The following GCDH variants were observed in gnomAD, a reference collection of about 807,000 sequenced individuals.
The protein encoded by GCDH is glutaryl-CoA dehydrogenase, mitochondrial.
Under a neutral mutation model 52.8 loss-of-function variants are expected in GCDH, and 31 were observed. That is an observed-to-expected ratio of 0.59 (90% CI 0.44 to 0.79). The LOEUF is 0.79. GCDH is among the 30% of genes least tolerant of loss of function. The pLI, the probability that GCDH is intolerant of heterozygous loss-of-function variation, is 0.00. For synonymous variants in GCDH, 242 were observed against 250.0 expected (o/e 0.97, Z 0.30); for missense variants, 509 against 595.0 (o/e 0.86, Z 1.50).
At chr19:12,897,043 G>C in intron 9 of GCDH, 30 bp downstream of exon 9, 1 of 1,555,522 alleles carries the variant, frequency 6.4e-7, no homozygotes, top group Non-Finnish European at 8.8e-7. Flanking sequence ...AGATTCTCTG[G>C]GGGTGTGGGG....
chr19:12,893,198 T>C (rs779096847), intron 5 of GCDH, among the ~76,000 whole-genome samples: 1 of 152,130 alleles, frequency 6.6e-6, no homozygotes, highest in Admixed American at 6.6e-5. Context: ...CTTTGTTTCT[T>C]TTTTTAGAGA....
rs759599442 is a variant in GCDH at position 12,891,505 on chromosome 19, A to G, written c.110A>G (p.Gln37Arg). ...AAQTEKGGRT[Q>R]SQLAKSSRPE... ...CTTGCAGAGAAAGGCGGGAGAACAC[A>G]GAGCCAACTGGCTAAGTGTAAGGAC... The change falls in exon 3 of 12, where the codon CAG becomes CGG. Residue 37 changes from glutamine (Q) to arginine (R), a missense_variant. Gln to Arg is a conservative substitution (Grantham distance 43). Coordinates refer to ENST00000222214, the MANE Select transcript of GCDH (RefSeq NM_000159.4). 4 of 1,614,114 alleles carry G rather than the reference A, an allele frequency of 2.5e-6. No individual in the cohort carries two copies. The African/African-American group carries it at 5.3e-5, about 22-fold the overall frequency.
At chr19:12,898,546 C>T (rs1431336909) in intron 11 of GCDH, among the ~76,000 whole-genome samples, 2 of 151,022 alleles carry the variant, frequency 1.3e-5, no homozygotes, top group Non-Finnish European at 2.9e-5. Flanking sequence ...GGGGATCCTA[C>T]AAATGTGAGA....
Position 12,896,819 on chromosome 19 carries a change from G to T in GCDH, c.853-91G>T. The T allele has an allele frequency of 1.1e-6, 1 of 878,038 alleles. No homozygotes were observed. Among genetic ancestry groups the T allele is most frequent in the East Asian group, 2.5e-5 (1 of 39,234 alleles). 54.4% of individuals were successfully genotyped at this position (878,038 alleles called of 1,614,324 possible). A position where few individuals can be genotyped will look rare whatever the true frequency, so the allele number is the denominator to read the frequency against. ...TGAGTCCCCCTGCGTGGGGTGGCTG[G>T]GGAGGAGGCTTTCCCTGCTTCAGAG... On this transcript the variant is annotated intron_variant, in intron 8 of 11. Coordinates refer to ENST00000222214, the MANE Select transcript of GCDH (RefSeq NM_000159.4). The surrounding 1 kb of genome is among the most constrained non-coding windows in gnomAD (Gnocchi z 5.5).
chr19:12,895,843 C>A, intron 6 of GCDH, 149 bp from the exon 7 acceptor site: 1 of 800,904 alleles, frequency 1.2e-6, no homozygotes, highest in Non-Finnish European at 2.1e-6. Context: ...TGGTCTGGAA[C>A]TCCTGACCTC....
At chr19:12,897,177 G>A in intron 9 of GCDH, 126 bp from the exon 10 acceptor site, 3 of 1,337,358 alleles carry the variant, frequency 2.2e-6, no homozygotes, top group Non-Finnish European at 3.1e-6. Context: ...GTCAACGGCA[G>A]GGCCAGGGCA....
intron 6 of GCDH, chr19:12,894,550 C>T (rs1423162934): frequency 1.5e-6 from 1 of 659,584 alleles, no homozygotes; most frequent in Non-Finnish European, 2.8e-6. Context: ...GTACAGCTAG[C>T]AGAATCCGTA....
At chr19:12,897,636 T>A (rs1970716168) in intron 10 of GCDH, 67 bp from the exon 11 acceptor site, 2 of 1,587,908 alleles carry the variant, frequency 1.3e-6, no homozygotes, top group South Asian at 2.2e-5. Flanking sequence ...CACCCCGGGC[T>A]AGGTTTGCTT....
chr19:12,897,191 T>A, intron 9 of GCDH, 112 bp from the exon 10 acceptor site: 1 of 1,413,284 alleles, frequency 7.1e-7, no homozygotes, highest in Non-Finnish European at 9.8e-7. Context: ...CAGGGCAAGC[T>A]TGGGGGCACT....
At chr19:12,897,068 C>A in intron 9 of GCDH, 55 bp downstream of exon 9, 2 of 1,419,740 alleles carry the variant, frequency 1.4e-6, no homozygotes, top group Non-Finnish European at 2.0e-6. Flanking sequence ...TTGGGTTTCA[C>A]TCTCTATACC....
rs1970677128 is a variant in GCDH at position 12,896,283 on chromosome 19, G to A, written c.714G>A (p.Leu238=). 6.2e-7 allele frequency: 1 copy of A among 1,614,056 alleles called. No individual in the cohort carries two copies. Among genetic ancestry groups the A allele is most frequent in the Admixed American group, 1.7e-5 (1 of 60,004 alleles). ...CEDGCIRGFL[L]EKGMRGLSAP... is the part of the protein sequence containing the mutation. ...ATGGCTGCATTCGGGGCTTCCTGCT[G>A]GAGAAGGGGATGCGGGGTCTCTCGG... Residue 238 remains leucine (L), a synonymous_variant, in exon 8 of 12, where the codon CTG becomes CTA. Coordinates refer to ENST00000222214, the MANE Select transcript of GCDH (RefSeq NM_000159.4). This position sits in a 1 kb window ranked among gnomAD's most constrained non-coding sequence, Gnocchi z 5.5.
chr19:12,891,331 G>T lies in GCDH; in HGVS notation c.27G>T (p.Arg9=), dbSNP rs751425240. 1.2e-6 allele frequency: 2 copies of T among 1,611,256 alleles called. No homozygotes were observed. The highest frequency in any genetic ancestry group is 1.7e-6 in the Non-Finnish European group (2 of 1,179,952). The change falls in exon 2 of 12, where the codon CGG becomes CGT. Residue 9 remains arginine, a synonymous_variant. Coordinates refer to ENST00000222214, the MANE Select transcript of GCDH (RefSeq NM_000159.4). MALRGVSV[R]LLSRGPGLHV... Reference sequence around the variant, plus strand: ...TGGCCCTGAGAGGCGTCTCCGTGCGGCTGCTGAGCCGCGGACCCGGCCTGC... The same window carrying T: ...TGGCCCTGAGAGGCGTCTCCGTGCGTCTGCTGAGCCGCGGACCCGGCCTGC...
chr19:12,897,365 T>C lies in GCDH; in HGVS notation c.1019T>C (p.Leu340Pro). 1 of 1,613,652 alleles carries C rather than the reference T, an allele frequency of 6.2e-7. No homozygotes were observed. Among genetic ancestry groups the C allele is most frequent in the Non-Finnish European group, 8.5e-7 (1 of 1,179,948 alleles). ...ATTCAGAAGAAGCTGGCAGACATGC[T>C]CACTGAGATTACCCTGGGCCTTCAC... is the stretch of plus-strand genomic sequence containing the variant. ...QLIQKKLADM[L>P]TEITLGLHAC... The change falls in exon 10 of 12, where the codon CTC (leucine) becomes CCC (proline). Residue 340 changes from leucine (L) to proline (P), a missense_variant. Leu to Pro is a moderately conservative substitution (Grantham distance 98, BLOSUM62 -3). Coordinates refer to ENST00000222214, the MANE Select transcript of GCDH (RefSeq NM_000159.4).
chr19:12,891,778 A>G, intron 3 of GCDH, 53 bp from the exon 4 acceptor site: 1 of 1,611,602 alleles, frequency 6.2e-7, no homozygotes. Context: ...GGGTCCGAGA[A>G]GGGAGGGCAC....
intron 6 of GCDH, chr19:12,894,017 G>A (rs535089417): frequency 2.0e-5 from 12 of 591,586 alleles, no homozygotes; most frequent in East Asian, 5.8e-5. Flanking sequence ...CCTGGGCAAC[G>A]TAAGGAGACC....
At position 12,899,676 on chromosome 19, in the gene GCDH, A is replaced by C. The variant is rs1271187192; in HGVS notation, c.*135A>C. The C allele has an allele frequency of 5.6e-6, 9 of 1,612,116 alleles. No individual in the cohort carries two copies. The highest frequency in any genetic ancestry group is 7.6e-6 in the Non-Finnish European group (9 of 1,179,090). ...GGGAAGTGAGAGACACTGATTTTTA[A>C]ATATCAAAATTTCCCTTCTGAAGTC... On this transcript the variant is annotated 3_prime_UTR_variant, in exon 12 of 12. Coordinates refer to ENST00000222214, the MANE Select transcript of GCDH (RefSeq NM_000159.4).
At chr19:12,897,530 C>T in intron 10 of GCDH, 102 bp downstream of exon 10, 2 of 1,477,544 alleles carry the variant, frequency 1.4e-6, no homozygotes, top group East Asian at 2.3e-5. Flanking sequence ...GCCCTGGGGA[C>T]CTGAACCTTC....
At chr19:12,893,393 T>C in intron 5 of GCDH, 90 bp from the exon 6 acceptor site, 1 of 1,151,064 alleles carries the variant, frequency 8.7e-7, no homozygotes, top group Non-Finnish European at 1.3e-6. Flanking sequence ...CCTGCCTCCT[T>C]GTGTGTCCTT....
At chr19:12,891,733 G>T in intron 3 of GCDH, 98 bp from the exon 4 acceptor site, 1 of 1,607,248 alleles carries the variant, frequency 6.2e-7, no homozygotes, top group Non-Finnish European at 8.5e-7. Flanking sequence ...CACTAGCCGG[G>T]GGGCGACATG....
Sources: gnomAD v4.1 joint callset for allele counts (sites outside exome capture counted in the v4.1 genomes callset) on GRCh38, gnomAD v4.1.1 for gene constraint, Gnocchi (gnomAD v3.1) non-coding constraint, MANE v1.5 for transcripts, NCBI Gene and HGNC (gene_info 2026-07-23, HGNC 2026-07-21) for gene names.